The following C8orf34 variants were observed in gnomAD, a reference collection of about 807,000 sequenced individuals.
C8orf34 encodes the protein chromosome 8 open reading frame 34, also known as uncharacterized protein C8orf34.
A neutral mutation model predicts 68.3 loss-of-function variants in C8orf34; 65 were observed. That is an observed-to-expected ratio of 0.95 (90% CI 0.78 to 1.17). The LOEUF is 1.17. Among genes scored for constraint, C8orf34 ranks in the 50% most tolerant of loss-of-function variants. The pLI is 0.00. For missense variants in C8orf34, 664 were observed against 655.4 expected, an observed-to-expected ratio of 1.01 and a Z score of -0.14; for synonymous variants, 244 against 241.2, an observed-to-expected ratio of 1.01 and a Z score of -0.11.
At chr8:68,464,230 T>A (rs1276731775) in intron 3 of C8orf34, among the ~76,000 whole-genome samples, 1 of 151,930 alleles carries the variant, frequency 6.6e-6, no homozygotes, top group Non-Finnish European at 1.5e-5. Context: ...TACCTAGGAA[T>A]CCAACTTACA....
intron 10 of C8orf34, among the ~76,000 whole-genome samples, chr8:68,774,848 C>G (rs983171940): frequency 6.7e-6 from 1 of 150,214 alleles, no homozygotes; most frequent in Non-Finnish European, 1.5e-5. Context: ...GGCTCACGCC[C>G]GTAATTCCGG....
At chr8:68,805,184 A>G (rs528226990) in intron 12 of C8orf34, among the ~76,000 whole-genome samples, 1 of 152,340 alleles carries the variant, frequency 6.6e-6, no homozygotes, top group African/African-American at 2.4e-5. Context: ...TGAAAGAACA[A>G]GCTCTGTATG....
intron 1 of C8orf34, among the ~76,000 whole-genome samples, chr8:68,385,244 C>T (rs1808211451): frequency 1.3e-5 from 2 of 152,078 alleles, no homozygotes; most frequent in African/African-American, 2.4e-5. Flanking sequence ...GACATGGAGG[C>T]ACAGAGAGGT....
chr8:68,398,012 A>G (rs966352105), intron 1 of C8orf34, among the ~76,000 whole-genome samples: 1 of 152,004 alleles, frequency 6.6e-6, no homozygotes, highest in Non-Finnish European at 1.5e-5. Flanking sequence ...TAAGAGATCC[A>G]CCTGCCTTGG....
intron 1 of C8orf34, among the ~76,000 whole-genome samples, chr8:68,360,597 C>A (rs1227163217): frequency 6.6e-6 from 1 of 152,096 alleles, no homozygotes; most frequent in Non-Finnish European, 1.5e-5. Flanking sequence ...GGGCAGCATT[C>A]TTGGACCTTC....
chr8:68,482,261 G>A (rs1367126300), intron 4 of C8orf34, among the ~76,000 whole-genome samples: 1 of 152,082 alleles, frequency 6.6e-6, no homozygotes, highest in Non-Finnish European at 1.5e-5. Context: ...GCCTCCCCAC[G>A]TGTGTGGAAC....
intron 7 of C8orf34, among the ~76,000 whole-genome samples, chr8:68,613,125 A>G (rs111799856): frequency 0.023 from 3,466 of 152,260 alleles, 61 homozygotes; most frequent in Non-Finnish European, 0.036. Flanking sequence ...CTGAACACAC[A>G]TAGCTGGTGG....
intron 7 of C8orf34, among the ~76,000 whole-genome samples, chr8:68,631,333 T>C (rs1818685316): frequency 6.6e-6 from 1 of 152,146 alleles, no homozygotes; most frequent in Non-Finnish European, 1.5e-5. Context: ...CTCAAACTTC[T>C]GGGCTCAAGT....
At chr8:68,777,272 T>C (rs541370327) in intron 11 of C8orf34, among the ~76,000 whole-genome samples, 2 of 152,334 alleles carry the variant, frequency 1.3e-5, no homozygotes, top group South Asian at 4.1e-4. Flanking sequence ...TAATATGTCC[T>C]GTCTAGGTCT....
At chr8:68,423,769 T>A (rs1810087416) in intron 1 of C8orf34, among the ~76,000 whole-genome samples, 1 of 152,076 alleles carries the variant, frequency 6.6e-6, no homozygotes, top group Non-Finnish European at 1.5e-5. Context: ...GAAAGGAGGT[T>A]TAATTGGCTC....
At chr8:68,797,624 A>G (rs879121864) in intron 12 of C8orf34, among the ~76,000 whole-genome samples, 1 of 152,164 alleles carries the variant, frequency 6.6e-6, no homozygotes, top group Admixed American at 6.5e-5. Context: ...TATTTGAGCA[A>G]TATTTGAGAT....
chr8:68,335,025 C>T (rs1054674870), intron 1 of C8orf34, among the ~76,000 whole-genome samples: 3 of 152,122 alleles, frequency 2.0e-5, no homozygotes, highest in African/African-American at 7.2e-5. Context: ...AAAAAATGCT[C>T]CTTGCGTTTA....
intron 11 of C8orf34, among the ~76,000 whole-genome samples, chr8:68,780,545 T>G (rs1823646164): frequency 6.6e-6 from 1 of 152,226 alleles, no homozygotes; most frequent in Admixed American, 6.5e-5. Context: ...TTTCCCAGAT[T>G]CTATTAATTT....
intron 9 of C8orf34, among the ~76,000 whole-genome samples, chr8:68,717,807 T>C (rs75660046): frequency 0.036 from 5,495 of 152,236 alleles, 310 homozygotes; most frequent in African/African-American, 0.12. Context: ...AATGTTAATG[T>C]AGCATAATAG....
chr8:68,750,545 C>T (rs1024196850), intron 10 of C8orf34, among the ~76,000 whole-genome samples: 4 of 152,130 alleles, frequency 2.6e-5, no homozygotes, highest in Admixed American at 1.3e-4. Context: ...GATGGTTGCA[C>T]AGCATTGTGA....
chr8:68,741,924 G>C (rs1367984648), intron 10 of C8orf34, among the ~76,000 whole-genome samples: 4 of 152,208 alleles, frequency 2.6e-5, no homozygotes, highest in Admixed American at 2.6e-4. Flanking sequence ...ACACTCCTCA[G>C]TCACTGAGAA....
chr8:68,516,062 T>G (rs1236577422), intron 5 of C8orf34, among the ~76,000 whole-genome samples: 1 of 152,226 alleles, frequency 6.6e-6, no homozygotes, highest in African/African-American at 2.4e-5. Flanking sequence ...AACTTCCTTT[T>G]TTGAAATAGC....
chr8:68,404,266 G>A (rs1041114037), intron 1 of C8orf34, among the ~76,000 whole-genome samples: 1 of 151,228 alleles, frequency 6.6e-6, no homozygotes, highest in African/African-American at 2.4e-5. Context: ...CATAGATTCT[G>A]GATATTAGCC....
intron 8 of C8orf34, among the ~76,000 whole-genome samples, chr8:68,666,752 A>G (rs960162303): frequency 2.0e-5 from 3 of 152,174 alleles, no homozygotes; most frequent in Non-Finnish European, 4.4e-5. Flanking sequence ...ATTTTTGTTT[A>G]CATACAAAAA....
Sources: gnomAD v4.1 joint callset for allele counts (sites outside exome capture counted in the v4.1 genomes callset) on GRCh38, gnomAD v4.1.1 for gene constraint, MANE v1.5 for transcripts, NCBI Gene and HGNC (gene_info 2026-07-23, HGNC 2026-07-21) for gene names.